ZNF232: variants seen among roughly 807,000 people sequenced by gnomAD.
ZNF232 encodes zinc finger protein 232.
Under a neutral mutation model 25.2 loss-of-function variants are expected in ZNF232, and 25 were observed. The observed-to-expected ratio is 0.99, with a 90% CI of 0.72 to 1.39. The LOEUF (loss-of-function observed/expected upper bound fraction) is 1.39. Ranked by LOEUF, ZNF232 falls within the 40% of genes most tolerant of loss-of-function variation. The pLI is 0.00. For missense variants in ZNF232, 519 were observed against 520.9 expected (o/e 1.00, Z 0.04); for synonymous variants, 193 against 182.9 (o/e 1.06, Z -0.45).
chr17:5,106,253 G>T (rs1567755070), exon 4 of ZNF232: 2 of 1,614,222 alleles, frequency 1.2e-6, no homozygotes, highest in Admixed American at 3.3e-5. Context: ...TACATTCATG[G>T]TCTTTCTTCC....
At chr17:5,111,989 C>A (rs748695251), upstream of ZNF232, 1 of 1,004,094 alleles carries the variant, frequency 1.0e-6, no homozygotes, top group African/African-American at 1.7e-5. Context: ...GGCTGGGAGC[C>A]CGGGAACCGG....
chr17:5,108,730 G>T, intron 3 of ZNF232, 196 bp downstream of exon 3: 1 of 723,336 alleles, frequency 1.4e-6, no homozygotes, highest in Non-Finnish European at 2.1e-6. Context: ...TATCTTATGA[G>T]GTAGTTTATT....
At chr17:5,109,344 C>G in intron 2 of ZNF232, 50 bp downstream of exon 2, 1 of 1,608,730 alleles carries the variant, frequency 6.2e-7, no homozygotes, top group Non-Finnish European at 8.5e-7. Flanking sequence ...TCGGTCCAGC[C>G]TGAAGGTCAT....
At chr17:5,109,024 T>C (rs2072329776) in exon 3 of ZNF232, 9 of 1,614,132 alleles carry the variant, frequency 5.6e-6, no homozygotes, top group Middle Eastern at 1.6e-4. Context: ...TGGCTCTTCC[T>C]GTGCAGGTCC....
At chr17:5,122,142 C>T (rs563521822) in intron 1 of ZNF232, among the ~76,000 whole-genome samples, 2 of 138,814 alleles carry the variant, frequency 1.4e-5, no homozygotes, top group African/African-American at 5.5e-5. Context: ...GAGGGTGGGT[C>T]GGTGGGGTGG....
chr17:5,120,745 TGGA>T (rs1164858025), intron 1 of ZNF232: 2 of 439,408 alleles, frequency 4.6e-6, no homozygotes, highest in African/African-American at 4.0e-5. Flanking sequence ...AAGAAATTGG[TGGA>T]GAAGAGCTAC....
chr17:5,113,149 T>C (rs183021431), upstream of ZNF232, among the ~76,000 whole-genome samples: 1 of 152,234 alleles, frequency 6.6e-6, no homozygotes, highest in South Asian at 2.1e-4. Context: ...CTCCAAGATA[T>C]AGTATCCTTG....
upstream of ZNF232, chr17:5,116,373 C>T (rs6502844): frequency 0.7 from 106,316 of 152,266 alleles, 39,478 homozygotes; most frequent in Non-Finnish European, 0.84. Context: ...TCGAGTCGAA[C>T]CGAGTCCTCA....
rs1189873685 is a variant in ZNF232 at position 5,108,741 on chromosome 17, C to T, written c.625+185G>A. 4 of 877,164 alleles carry T rather than the reference C, an allele frequency of 4.6e-6. No individual in the cohort carries two copies. The East Asian group carries it at 1.2e-4, about 26-fold the overall frequency. The allele number at this position is 877,164 out of a possible 1,614,324, so 54.3% of individuals were successfully genotyped here. A position where few individuals can be genotyped will look rare whatever the true frequency, so the allele number is the denominator to read the frequency against. ...GAGCTATCTTATGAGGTAGTTTATT[C>T]TTACTCCTAATTTTATGAGTGATGA... On this transcript the variant is annotated intron_variant, in intron 3 of 3. Transcript: ENST00000575898.
upstream of ZNF232, chr17:5,115,081 C>T (rs2072497328): frequency 2.0e-5 from 3 of 150,908 alleles, no homozygotes; most frequent in South Asian, 6.3e-4. Context: ...ACGGCGGGGA[C>T]TTTAGGTAGA....
intron 1 of ZNF232, 124 bp from the exon 2 acceptor site, chr17:5,109,992 C>A: frequency 2.2e-6 from 2 of 916,350 alleles, no homozygotes; most frequent in Non-Finnish European, 3.2e-6. Context: ...GGGGTTCTAG[C>A]GATTCTCCTA....
chr17:5,107,530 C>T (rs2072290345), intron 3 of ZNF232, among the ~76,000 whole-genome samples: 1 of 141,756 alleles, frequency 7.1e-6, no homozygotes, highest in Non-Finnish European at 1.5e-5. Context: ...TAAGATAACT[C>T]AAGGTCATTT....
chr17:5,116,422 C>A (rs567005338), upstream of ZNF232: 9 of 152,544 alleles, frequency 5.9e-5, no homozygotes, highest in African/African-American at 2.2e-4. Flanking sequence ...AGGGGAAACA[C>A]TTCTGGCCCA....
intron 1 of ZNF232, among the ~76,000 whole-genome samples, chr17:5,119,536 A>G (rs1046027980): frequency 1.3e-5 from 2 of 152,190 alleles, no homozygotes; most frequent in African/African-American, 4.8e-5. Context: ...GGGCTGGGCC[A>G]TGCTTCCAGT....
At chr17:5,119,110 A>G (rs992017029) in intron 1 of ZNF232, among the ~76,000 whole-genome samples, 1 of 152,156 alleles carries the variant, frequency 6.6e-6, no homozygotes, top group Non-Finnish European at 1.5e-5. Context: ...TCAAGTATTT[A>G]TATGAAGAAA....
exon 4 of ZNF232, chr17:5,105,747 A>G (rs1436996822): frequency 3.2e-5 from 44 of 1,368,922 alleles, no homozygotes; most frequent in East Asian, 7.0e-5. Flanking sequence ...TAAGGAACTT[A>G]TAACTTTTAT....
chr17:5,105,866 A>G (rs751321410), exon 4 of ZNF232: 2 of 1,611,982 alleles, frequency 1.2e-6, no homozygotes, highest in Admixed American at 3.3e-5. Context: ...TCCGATGTCT[A>G]ATGAGCTCTG....
intron 2 of ZNF232, 57 bp downstream of exon 2, chr17:5,109,337 G>A (rs758012483): frequency 5.0e-6 from 8 of 1,603,734 alleles, no homozygotes; most frequent in Non-Finnish European, 6.0e-6. Flanking sequence ...CTGCCCCTCG[G>A]TCCAGCCTGA....
intron 1 of ZNF232, among the ~76,000 whole-genome samples, chr17:5,120,153 G>C (rs1324368117): frequency 1.3e-5 from 2 of 152,174 alleles, no homozygotes; most frequent in African/African-American, 4.8e-5. Context: ...TTTCCCCCTG[G>C]CTTTGAGGCT....
Sources: gnomAD v4.1 joint callset for allele counts (sites outside exome capture counted in the v4.1 genomes callset) on GRCh38, gnomAD v4.1.1 for gene constraint, MANE v1.5 for transcripts, NCBI Gene and HGNC (gene_info 2026-07-23, HGNC 2026-07-21) for gene names.